Variants in EBF2 observed in about 807,000 individuals in gnomAD.
The protein encoded by EBF2 is EBF transcription factor 2, also known as transcription factor COE2.
A neutral mutation model predicts 72.8 loss-of-function variants in EBF2; 21 were observed. The ratio of observed to expected loss-of-function variants is 0.29; its 90% confidence interval spans 0.20 to 0.42. The LOEUF (loss-of-function observed/expected upper bound fraction) is 0.42. Among genes scored for constraint, EBF2 ranks in the 10% least tolerant of loss-of-function variants. The pLI, the probability that EBF2 is intolerant of heterozygous loss-of-function variation, is 1.00. For synonymous variants in EBF2, 299 were observed against 274.2 expected (o/e 1.09, Z -0.89); for missense variants, 637 against 731.2 (o/e 0.87, Z 1.49).
intron 6 of EBF2, among the ~76,000 whole-genome samples, chr8:26,001,386 G>A (rs1804723762): frequency 6.6e-6 from 1 of 152,180 alleles, no homozygotes. Flanking sequence ...AGAGATCTAT[G>A]AAGACATCTA....
At chr8:25,988,065 G>T (rs577870303) in intron 6 of EBF2, among the ~76,000 whole-genome samples, 1 of 152,218 alleles carries the variant, frequency 6.6e-6, no homozygotes, top group South Asian at 2.1e-4. Context: ...AGGATTGCTG[G>T]TTCCTCCCAG....
At chr8:26,014,633 G>A (rs2117237856) in intron 6 of EBF2, among the ~76,000 whole-genome samples, 1 of 152,302 alleles carries the variant, frequency 6.6e-6, no homozygotes, top group South Asian at 2.1e-4. Flanking sequence ...ATCACCCAAA[G>A]CAAGCAAGGA....
chr8:25,855,705 G>C (rs1028814146), intron 14 of EBF2, among the ~76,000 whole-genome samples: 5 of 152,178 alleles, frequency 3.3e-5, no homozygotes, highest in African/African-American at 1.2e-4. Context: ...TAGAAATACA[G>C]GTCAGGTGCT....
At chr8:25,860,907 G>T in intron 13 of EBF2, 142 bp downstream of exon 13, 2 of 870,606 alleles carry the variant, frequency 2.3e-6, no homozygotes, top group African/African-American at 1.7e-5. Flanking sequence ...CTATAATCTT[G>T]AAATAACCCA....
At chr8:25,962,372 T>A (rs1038460033) in intron 6 of EBF2, among the ~76,000 whole-genome samples, 3 of 152,032 alleles carry the variant, frequency 2.0e-5, no homozygotes, top group Admixed American at 1.3e-4. Flanking sequence ...AACAAGCCCC[T>A]CCAGAAGCAA....
intron 6 of EBF2, among the ~76,000 whole-genome samples, chr8:25,912,435 TA>T (rs546280908): frequency 2.9e-5 from 4 of 137,796 alleles, no homozygotes; most frequent in Non-Finnish European, 6.3e-5. Flanking sequence ...CACCTGTTAT[TA>T]AAAAAACACT....
In EBF2 at chr8:26,044,978, T is replaced by C; in HGVS notation, c.-119A>G. On this transcript the variant is annotated 5_prime_UTR_variant, in exon 1 of 16. Coordinates refer to ENST00000520164, the MANE Select transcript of EBF2 (RefSeq NM_022659.4). The surrounding 1 kb of genome is among the most constrained non-coding windows in gnomAD (Gnocchi z 4.1). ...AAGCAATCCAAGAAAAGGGATCAAGTGCCCAAGTTTGAGTCTTAGAAAAAA... is the reference window on the plus strand; with the variant it reads ...AAGCAATCCAAGAAAAGGGATCAAGCGCCCAAGTTTGAGTCTTAGAAAAAA... 1 of 1,116,376 alleles carries C rather than the reference T, an allele frequency of 9.0e-7. No homozygotes were observed. Among genetic ancestry groups the C allele is most frequent in the South Asian group, 1.7e-5 (1 of 57,870 alleles). 69.2% of individuals were successfully genotyped at this position (1,116,376 alleles called of 1,614,324 possible).
Position 25,842,240 on chromosome 8 carries a change from G to A in EBF2, c.*2369C>T, listed in dbSNP as rs1801756341. The A allele has an allele frequency of 1.3e-5, 2 of 152,122 alleles. No homozygotes were observed. The highest frequency in any genetic ancestry group is 2.4e-5 in the African/African-American group (1 of 41,422). 9.4% of individuals were successfully genotyped at this position (152,122 alleles called of 1,614,324 possible). ...GGGTAGCTTTGTTTTTAATTTATTA[G>A]TACACTAAAAATAATCCTTACACAC... On this transcript the variant is annotated 3_prime_UTR_variant, in exon 16 of 16. Coordinates refer to ENST00000520164, the MANE Select transcript of EBF2 (RefSeq NM_022659.4).
intron 6 of EBF2, among the ~76,000 whole-genome samples, chr8:25,984,464 C>T (rs933016186): frequency 1.4e-4 from 21 of 152,156 alleles, no homozygotes; most frequent in African/African-American, 5.1e-4. Flanking sequence ...GGGTGGATGA[C>T]CTGAGGTCAG....
intron 7 of EBF2, among the ~76,000 whole-genome samples, chr8:25,891,324 C>G (rs1178280178): frequency 6.6e-6 from 1 of 152,042 alleles, no homozygotes. Context: ...ACGAACCACC[C>G]TAGACATGGG....
At chr8:25,914,576 C>T (rs1451146072) in intron 6 of EBF2, among the ~76,000 whole-genome samples, 1 of 152,202 alleles carries the variant, frequency 6.6e-6, no homozygotes, top group Non-Finnish European at 1.5e-5. Context: ...TTACACCCTA[C>T]AGTAACTTGG....
Position 25,846,239 on chromosome 8 carries a change from T to A in EBF2, c.1697-1599A>T, listed in dbSNP as rs538417649. ...GAGTGTAGGAGGTTTTTTTATTTTA[T>A]TTTTTTTTTCCTGGAGGGAGCTGGA... On this transcript the variant is annotated intron_variant, in intron 15 of 15. Transcript: ENST00000520164. 5.2e-5 allele frequency among the ~76,000 whole-genome samples: 4 copies of A among 76,340 alleles called. No individual in the cohort carries two copies. In the South Asian group the frequency reaches 2.3e-3, roughly 44 times the overall value. 50.1% of individuals were successfully genotyped at this position (76,340 alleles called of 152,430 possible).
chr8:26,025,178 C>G (rs1377882359), intron 6 of EBF2, among the ~76,000 whole-genome samples: 1 of 152,108 alleles, frequency 6.6e-6, no homozygotes, highest in East Asian at 1.9e-4. Context: ...AATTCAAGAT[C>G]TGTGTTCCGG....
intron 10 of EBF2, among the ~76,000 whole-genome samples, chr8:25,867,815 T>C (rs558678121): frequency 1.3e-5 from 2 of 152,208 alleles, no homozygotes; most frequent in Non-Finnish European, 2.9e-5. Context: ...CTGTGAATTG[T>C]ACCATCATCC....
intron 10 of EBF2, among the ~76,000 whole-genome samples, chr8:25,884,298 A>G (rs1466096176): frequency 6.6e-6 from 1 of 152,054 alleles, no homozygotes; most frequent in African/African-American, 2.4e-5. Flanking sequence ...GCACTGCTCC[A>G]GTGAACACCA....
chr8:25,957,507 G>A (rs1158686118), intron 6 of EBF2, among the ~76,000 whole-genome samples: 2 of 152,110 alleles, frequency 1.3e-5, no homozygotes, highest in African/African-American at 4.8e-5. Flanking sequence ...ACTGCCTGTG[G>A]AGCAACAGTG....
chr8:25,857,501 CACTCT>C (rs962726412), intron 14 of EBF2, among the ~76,000 whole-genome samples: 3 of 152,132 alleles, frequency 2.0e-5, no homozygotes, highest in African/African-American at 7.2e-5. Flanking sequence ...ATTTCGAGAA[CACTCT>C]ACTCAATCAC....
intron 14 of EBF2, among the ~76,000 whole-genome samples, chr8:25,853,014 ATTAATAC>A (rs1218605625): frequency 6.6e-6 from 1 of 152,226 alleles, no homozygotes; most frequent in Non-Finnish European, 1.5e-5. Flanking sequence ...ATAGATGGGA[ATTAATAC>A]TTAATAAAGG....
chr8:25,884,256 C>T (rs1178314396), intron 10 of EBF2, among the ~76,000 whole-genome samples: 1 of 152,128 alleles, frequency 6.6e-6, no homozygotes, highest in Non-Finnish European at 1.5e-5. Flanking sequence ...GGGACAACCA[C>T]CTCCCCCACC....
Sources: gnomAD v4.1 joint callset for allele counts (sites outside exome capture counted in the v4.1 genomes callset) on GRCh38, gnomAD v4.1.1 for gene constraint, Gnocchi (gnomAD v3.1) non-coding constraint, MANE v1.5 for transcripts, NCBI Gene and HGNC (gene_info 2026-07-23, HGNC 2026-07-21) for gene names.